Variants in LRRC4C observed in about 807,000 individuals in gnomAD.
LRRC4C encodes the protein leucine-rich repeat-containing protein 4C.
In LRRC4C, 5 loss-of-function variants were observed where a neutral mutation model predicts 33.6. The ratio of observed to expected loss-of-function variants is 0.15; its 90% CI spans 0.08 to 0.31. The LOEUF (loss-of-function observed/expected upper bound fraction) is 0.31. LRRC4C is among the 10% of genes least tolerant of loss of function. The pLI, the probability that LRRC4C is intolerant of heterozygous loss-of-function variation, is 1.00. For missense variants in LRRC4C, 560 were observed against 796.7 expected (o/e 0.70, Z 3.58); for synonymous variants, 329 against 302.0 (o/e 1.09, Z -0.93).
At chr11:40,931,744 T>C (rs943432824) in intron 2 of LRRC4C, among the ~76,000 whole-genome samples, 1 of 152,144 alleles carries the variant, frequency 6.6e-6, no homozygotes, top group African/African-American at 2.4e-5. Flanking sequence ...GAAGCCTATA[T>C]ATAAATGTCA....
At chr11:40,865,833 G>T (rs1954337171) in intron 2 of LRRC4C, among the ~76,000 whole-genome samples, 1 of 151,462 alleles carries the variant, frequency 6.6e-6, no homozygotes. Context: ...TTATAGAAAG[G>T]AAAAATAAGA....
At chr11:40,906,855 GT>G (rs1956444405) in intron 2 of LRRC4C, among the ~76,000 whole-genome samples, 1 of 152,060 alleles carries the variant, frequency 6.6e-6, no homozygotes, top group Non-Finnish European at 1.5e-5. Context: ...AAAAGATAAA[GT>G]GTAAAAAACA....
intron 1 of LRRC4C, among the ~76,000 whole-genome samples, chr11:41,069,907 A>G (rs1938548906): frequency 6.6e-6 from 1 of 152,158 alleles, no homozygotes; most frequent in African/African-American, 2.4e-5. Flanking sequence ...ACAGAATTAG[A>G]AAAAAATTAC....
Position 40,405,914 on chromosome 11 carries a change from C to A in LRRC4C, c.-269-86193G>T, listed in dbSNP as rs114045877. Among the ~76,000 whole-genome samples, 755 of 151,878 alleles carry A rather than the reference C, an allele frequency of 5.0e-3. 5 individuals are homozygous for A. Among genetic ancestry groups the A allele is most frequent in the African/African-American group, 0.017 (720 of 41,472 alleles). ...CCTGGTTTCTAGATGATATGGTAGG[C>A]AAGAGCTCTCTATCCACAGTAGGCC... On this transcript the variant is annotated intron_variant, in intron 3 of 6. Transcript: ENST00000528697.
At chr11:41,391,228 C>T (rs1388859209) in intron 1 of LRRC4C, among the ~76,000 whole-genome samples, 1 of 147,434 alleles carries the variant, frequency 6.8e-6, no homozygotes, top group Non-Finnish European at 1.5e-5. Context: ...CTCAGTAAGT[C>T]CAAAGTGAAT....
intron 2 of LRRC4C, among the ~76,000 whole-genome samples, chr11:40,741,488 T>C (rs956637626): frequency 2.0e-5 from 3 of 152,052 alleles, no homozygotes; most frequent in African/African-American, 7.2e-5. Context: ...TAAATCCAAA[T>C]TGGATCCAAG....
intron 1 of LRRC4C, among the ~76,000 whole-genome samples, chr11:41,368,059 C>G (rs573148698): frequency 6.6e-6 from 1 of 152,226 alleles, no homozygotes; most frequent in African/African-American, 2.4e-5. Context: ...GCCAAAATCT[C>G]ATATTGAGTT....
intron 2 of LRRC4C, among the ~76,000 whole-genome samples, chr11:40,692,063 A>G (rs1321204630): frequency 2.0e-5 from 3 of 151,996 alleles, no homozygotes; most frequent in Admixed American, 2.0e-4. Flanking sequence ...TTTAAATCTG[A>G]GTTTCCATGC....
chr11:40,655,390 C>T lies in LRRC4C; in HGVS notation c.-406-7112G>A, dbSNP rs74477471. On this transcript the variant is annotated intron_variant, in intron 2 of 6. Coordinates refer to ENST00000528697, the MANE Select transcript of LRRC4C (RefSeq NM_001258419.2). ...GAGGTAACCATGTGTTTAATATCAA[C>T]CTGGAAGAACAAGGGAATAATTTAT... Among the ~76,000 whole-genome samples the T allele has an allele frequency of 6.9e-3, 1,054 of 152,122 alleles. 15 individuals are homozygous for T. The highest frequency in any genetic ancestry group is 0.025 in the African/African-American group (1,020 of 41,480).
intron 2 of LRRC4C, among the ~76,000 whole-genome samples, chr11:40,746,928 G>A (rs1052159264): frequency 6.6e-6 from 1 of 152,154 alleles, no homozygotes; most frequent in Non-Finnish European, 1.5e-5. Context: ...TCCTGCCACT[G>A]CCACTGTTAT....
chr11:40,328,101 T>C (rs1946183382), intron 3 of LRRC4C, among the ~76,000 whole-genome samples: 1 of 152,122 alleles, frequency 6.6e-6, no homozygotes, highest in African/African-American at 2.4e-5. Context: ...AAGAATTTGG[T>C]TTGCATAGTA....
At chr11:40,376,962 C>T (rs537898540) in intron 3 of LRRC4C, among the ~76,000 whole-genome samples, 14 of 152,158 alleles carry the variant, frequency 9.2e-5, no homozygotes, top group African/African-American at 3.4e-4. Context: ...TGATTTTTTC[C>T]TTCAAAAAGT....
At chr11:41,315,136 A>G (rs962753672) in intron 1 of LRRC4C, among the ~76,000 whole-genome samples, 1 of 152,198 alleles carries the variant, frequency 6.6e-6, no homozygotes, top group Non-Finnish European at 1.5e-5. Context: ...TTACTAGTTC[A>G]GTCATGAAAA....
intron 3 of LRRC4C, among the ~76,000 whole-genome samples, chr11:40,561,058 G>A (rs1957527485): frequency 6.6e-6 from 1 of 152,098 alleles, no homozygotes; most frequent in South Asian, 2.1e-4. Flanking sequence ...TTATCTTCAT[G>A]AGGACTTATC....
chr11:40,724,660 A>C (rs749586405), intron 2 of LRRC4C, among the ~76,000 whole-genome samples: 3 of 152,194 alleles, frequency 2.0e-5, no homozygotes, highest in Non-Finnish European at 4.4e-5. Flanking sequence ...ATACCATAGA[A>C]AGATCTCAAA....
At chr11:41,171,351 C>A (rs1944967472) in intron 1 of LRRC4C, among the ~76,000 whole-genome samples, 1 of 152,244 alleles carries the variant, frequency 6.6e-6, no homozygotes, top group African/African-American at 2.4e-5. Context: ...GACTTGGAAC[C>A]AACCCAAATA....
At position 40,115,817 on chromosome 11, in the gene LRRC4C, G is replaced by A. The variant is rs1192331344; in HGVS notation, c.476C>T (p.Pro159Leu). Reference protein sequence around the residue: ...KLKELWLRNNPIESIPSYAFN... With the variant: ...KLKELWLRNNLIESIPSYAFN... Reference sequence around the variant, plus strand: ...AGCATAAGAAGGGATGCTTTCAATGGGGTTGTTTCGCAACCAGAGCTCCTT... The same window carrying A: ...AGCATAAGAAGGGATGCTTTCAATGAGGTTGTTTCGCAACCAGAGCTCCTT... The change falls in exon 7 of 7, where the codon CCC (proline) becomes CTC (leucine). Residue 159 changes from proline (P) to leucine (L), a missense_variant. By Grantham distance (98) the Pro-to-Leu change is moderately conservative (BLOSUM62 -3). Around this residue, in one of 3 missense-constraint regions of LRRC4C, gnomAD observed 455 missense variants for 643.8 expected, o/e 0.71. Transcript: ENST00000528697. This position sits in a 1 kb window ranked among gnomAD's most constrained non-coding sequence, Gnocchi z 6.7. 1.9e-6 allele frequency: 3 copies of A among 1,614,000 alleles called. No homozygotes were observed. Among genetic ancestry groups the A allele is most frequent in the African/African-American group, 1.3e-5 (1 of 74,904 alleles).
chr11:41,160,810 C>A (rs1449503577), intron 1 of LRRC4C, among the ~76,000 whole-genome samples: 6 of 151,908 alleles, frequency 3.9e-5, no homozygotes, highest in Non-Finnish European at 8.8e-5. Flanking sequence ...CTATGAAAAC[C>A]CAGAGAAGGA....
At chr11:41,379,046 C>T (rs947070219) in intron 1 of LRRC4C, among the ~76,000 whole-genome samples, 9 of 151,836 alleles carry the variant, frequency 5.9e-5, no homozygotes, top group Admixed American at 5.9e-4. Context: ...TTTGGACACA[C>T]AGACATATAA....
Sources: gnomAD v4.1 joint callset for allele counts (sites outside exome capture counted in the v4.1 genomes callset) on GRCh38, gnomAD v4.1.1 for gene constraint, gnomAD v4.1.1 regional missense constraint, Gnocchi (gnomAD v3.1) non-coding constraint, MANE v1.5 for transcripts, NCBI Gene and HGNC (gene_info 2026-07-23, HGNC 2026-07-21) for gene names.